The following KLHL1 variants were observed in gnomAD, a reference collection of about 807,000 sequenced individuals.
KLHL1 encodes the protein kelch-like protein 1.
In KLHL1, 47 loss-of-function variants were observed where a neutral mutation model predicts 77.7. That is an observed-to-expected ratio of 0.60 (90% CI 0.48 to 0.77). The LOEUF is 0.77. Ranked by LOEUF, KLHL1 falls within the 30% of genes least tolerant of loss-of-function variation. KLHL1 has a pLI of 0.00. For missense variants in KLHL1, 925 were observed against 910.8 expected, an observed-to-expected ratio of 1.02 and a Z score of -0.20; for synonymous variants, 360 against 325.2, an observed-to-expected ratio of 1.11 and a Z score of -1.15.
At chr13:70,088,130 A>C (rs183479790) in intron 1 of KLHL1, among the ~76,000 whole-genome samples, 1 of 152,194 alleles carries the variant, frequency 6.6e-6, no homozygotes, top group Non-Finnish European at 1.5e-5. Context: ...TAAGTAAATA[A>C]TGAGCGCCAC....
chr13:69,818,413 G>T (rs1191447316), intron 6 of KLHL1, among the ~76,000 whole-genome samples: 1 of 151,670 alleles, frequency 6.6e-6, no homozygotes, highest in Non-Finnish European at 1.5e-5. Flanking sequence ...TAGAGATGGG[G>T]TTTCACCATG....
Position 69,914,899 on chromosome 13 carries a change from A to G in KLHL1, c.1014+25141T>C, listed in dbSNP as rs184533760. Among the ~76,000 whole-genome samples, 5 of 152,306 alleles carry G rather than the reference A, an allele frequency of 3.3e-5. No individual in the cohort carries two copies. In the East Asian group the frequency reaches 9.6e-4, roughly 29 times the overall value. On this transcript the variant is annotated intron_variant, in intron 4 of 10. Transcript: ENST00000377844. The stretch of plus-strand genomic sequence containing the variant: ...ATGTTCTACATTAAAATTAGGTGTA[A>G]ATGGTACTAACCTTAAGAGAAAGCC...
chr13:69,991,664 T>G (rs190108920), intron 1 of KLHL1, among the ~76,000 whole-genome samples: 24 of 146,928 alleles, frequency 1.6e-4, no homozygotes, highest in African/African-American at 6.4e-4. Flanking sequence ...CAGTAATAAA[T>G]AGCCTATCAA....
chr13:69,712,599 T>G (rs1015222696), intron 9 of KLHL1, among the ~76,000 whole-genome samples: 4 of 152,138 alleles, frequency 2.6e-5, no homozygotes, highest in Non-Finnish European at 5.9e-5. Flanking sequence ...TAAGCCTTTA[T>G]ATATAGTTTT....
Position 69,956,036 on chromosome 13 carries a change from T to TTGATG in KLHL1, c.817+5271_817+5272insCATCA, listed in dbSNP as rs1566442922. 1.3e-3 allele frequency among the ~76,000 whole-genome samples: 162 copies of TTGATG among 122,226 alleles called. 1 individual carries two copies. Among genetic ancestry groups the TTGATG allele is most frequent in the African/African-American group, 4.6e-3 (157 of 33,814 alleles). The allele number at this position is 122,226 out of a possible 152,430, so 80.2% of individuals were successfully genotyped here. On this transcript the variant is annotated intron_variant, in intron 3 of 10. Transcript: ENST00000377844. ...ATATTTGATATATATTTATATATATTTATATATATTTGATATATATATTTA... is the reference window on the plus strand; with the variant it reads ...ATATTTGATATATATTTATATATATTTGATGTATATATATTTGATATATATATTTA...
chr13:70,039,152 T>C (rs1423275492), intron 1 of KLHL1, among the ~76,000 whole-genome samples: 1 of 151,524 alleles, frequency 6.6e-6, no homozygotes, highest in Non-Finnish European at 1.5e-5. Flanking sequence ...ACTGTAAACT[T>C]GAATTCCTAG....
chr13:69,975,912 T>A (rs1884532944), intron 1 of KLHL1, 110 bp from the exon 2 acceptor site: 10 of 1,265,196 alleles, frequency 7.9e-6, no homozygotes, highest in Non-Finnish European at 1.0e-5. Flanking sequence ...AGAAAACTAA[T>A]ATATCTGTGT....
At chr13:70,010,616 G>T (rs1189938281) in intron 1 of KLHL1, among the ~76,000 whole-genome samples, 2 of 152,128 alleles carry the variant, frequency 1.3e-5, no homozygotes, top group East Asian at 1.9e-4. Context: ...TTCAGGCTGG[G>T]TGTGGTGGCT....
At chr13:69,893,380 G>A (rs1169191823) in intron 4 of KLHL1, among the ~76,000 whole-genome samples, 2 of 151,568 alleles carry the variant, frequency 1.3e-5, no homozygotes, top group African/African-American at 2.4e-5. Context: ...GACTACAGGC[G>A]CCCGCCACCG....
chr13:69,756,964 CA>C (rs559599323), intron 7 of KLHL1, among the ~76,000 whole-genome samples: 2 of 151,760 alleles, frequency 1.3e-5, no homozygotes, highest in South Asian at 2.1e-4. Flanking sequence ...AACAAACAAA[CA>C]AAAAAAACTC....
Position 70,107,650 on chromosome 13 carries a change from A to G in KLHL1, c.50T>C (p.Leu17Pro), listed in dbSNP as rs776718823. Reference protein sequence around the residue: ...KDFDVKHILRLRWKLFSHPSP... With the variant: ...KDFDVKHILRPRWKLFSHPSP... The stretch of plus-strand genomic sequence containing the variant: ...CGGGTGGCTGAAGAGTTTCCAGCGG[A>G]GTCGCAGAATGTGCTTCACATCGAA... Residue 17 changes from leucine (L) to proline (P), a missense_variant, in exon 1 of 11, where the codon CTC becomes CCC. Coordinates refer to ENST00000377844, the MANE Select transcript of KLHL1 (RefSeq NM_020866.3). The G allele has an allele frequency of 1.9e-6, 3 of 1,550,318 alleles. No individual in the cohort carries two copies. The highest frequency in any genetic ancestry group is 1.7e-6 in the Non-Finnish European group (2 of 1,152,882).
rs553642528 is a variant in KLHL1 at position 69,800,235 on chromosome 13, G to C, written c.1415-3273C>G. Reference sequence around the variant, plus strand: ...TACCAGTTTAATCAGACATAATGTAGAATAATCTGTTTATGTTAAATTCAG... The same window carrying C: ...TACCAGTTTAATCAGACATAATGTACAATAATCTGTTTATGTTAAATTCAG... On this transcript the variant is annotated intron_variant, in intron 6 of 10. Coordinates refer to ENST00000377844, the MANE Select transcript of KLHL1 (RefSeq NM_020866.3). 1.8e-3 allele frequency among the ~76,000 whole-genome samples: 277 copies of C among 152,094 alleles called. 2 individuals are homozygous for C. The highest frequency in any genetic ancestry group is 3.4e-3 in the Non-Finnish European group (230 of 68,020).
At chr13:70,014,949 T>A (rs569378625) in intron 1 of KLHL1, among the ~76,000 whole-genome samples, 1 of 151,878 alleles carries the variant, frequency 6.6e-6, no homozygotes, top group African/African-American at 2.4e-5. Context: ...ATACATAACA[T>A]GTGGTTTATT....
intron 1 of KLHL1, among the ~76,000 whole-genome samples, chr13:69,997,996 T>C (rs1487030635): frequency 6.6e-6 from 1 of 151,876 alleles, no homozygotes; most frequent in Non-Finnish European, 1.5e-5. Context: ...AATTACATGA[T>C]AGTTCTACTT....
intron 1 of KLHL1, among the ~76,000 whole-genome samples, chr13:70,097,327 C>G (rs1887815673): frequency 6.6e-6 from 1 of 151,918 alleles, no homozygotes; most frequent in East Asian, 1.9e-4. Context: ...CAGAGGAAAA[C>G]TTCTTTTCTT....
chr13:69,733,572 C>A (rs1260246318), intron 8 of KLHL1, among the ~76,000 whole-genome samples: 1 of 152,062 alleles, frequency 6.6e-6, no homozygotes, highest in Non-Finnish European at 1.5e-5. Context: ...TAAACTTCAA[C>A]AGAAGATATA....
At chr13:70,105,294 CT>C (rs1382758376) in intron 1 of KLHL1, among the ~76,000 whole-genome samples, 1 of 151,760 alleles carries the variant, frequency 6.6e-6, no homozygotes, top group African/African-American at 2.4e-5. Context: ...ACTGTTTGTT[CT>C]GTTATTAGTT....
At chr13:69,941,242 T>C (rs540292761) in intron 3 of KLHL1, among the ~76,000 whole-genome samples, 14 of 152,038 alleles carry the variant, frequency 9.2e-5, no homozygotes, top group Non-Finnish European at 2.1e-4. Flanking sequence ...CAAAACTGTA[T>C]CAAGTATCCT....
chr13:69,768,821 A>G lies in KLHL1; in HGVS notation c.1639+27917T>C, dbSNP rs143928043. The stretch of plus-strand genomic sequence containing the variant: ...ATCCTACTCACTAAAAGCAAAAATA[A>G]TGCTTGAAATTTAGGTGCTTACAGA... On this transcript the variant is annotated intron_variant, in intron 7 of 10. Transcript: ENST00000377844. Among the ~76,000 whole-genome samples the G allele has an allele frequency of 4.3e-3, 652 of 152,314 alleles. 16 individuals carry two copies. Among genetic ancestry groups the G allele is most frequent in the East Asian group, 0.014 (71 of 5,184 alleles).
Sources: gnomAD v4.1 joint callset for allele counts (sites outside exome capture counted in the v4.1 genomes callset) on GRCh38, gnomAD v4.1.1 for gene constraint, MANE v1.5 for transcripts, NCBI Gene and HGNC (gene_info 2026-07-23, HGNC 2026-07-21) for gene names.